Variants in EPB41 observed in about 807,000 individuals in gnomAD.
EPB41 encodes the protein protein 4.1.
In EPB41, 65 loss-of-function variants were observed where a neutral mutation model predicts 108.0. The ratio of observed to expected loss-of-function variants is 0.60; its 90% CI spans 0.49 to 0.74. EPB41 has a LOEUF of 0.74. EPB41 is among the 30% of genes least tolerant of loss of function. EPB41 has a pLI of 0.00. For missense variants in EPB41, 875 were observed against 1,037.0 expected (o/e 0.84, Z 2.15); for synonymous variants, 336 against 358.9 (o/e 0.94, Z 0.72).
chr1:29,088,735 TC>T (rs1660150422), intron 16 of EPB41, among the ~76,000 whole-genome samples: 1 of 152,166 alleles, frequency 6.6e-6, no homozygotes, highest in Admixed American at 6.5e-5. Flanking sequence ...CAGAACAGAC[TC>T]TGTTAAGAGG....
intron 1 of EPB41, among the ~76,000 whole-genome samples, chr1:28,902,753 G>C (rs2091431885): frequency 6.6e-6 from 1 of 152,110 alleles, no homozygotes; most frequent in South Asian, 2.1e-4. Flanking sequence ...ATTATAAGTG[G>C]AGGAAATTAT....
At chr1:29,027,500 T>C (rs1325557042) in intron 7 of EPB41, among the ~76,000 whole-genome samples, 2 of 151,724 alleles carry the variant, frequency 1.3e-5, no homozygotes, top group East Asian at 3.9e-4. Context: ...CCCGGCTAAT[T>C]TTGTACTTTT....
chr1:28,913,379 A>G (rs987841021), upstream of EPB41, among the ~76,000 whole-genome samples: 2 of 152,198 alleles, frequency 1.3e-5, no homozygotes, highest in Non-Finnish European at 2.9e-5. Context: ...CAGAGGTTGC[A>G]GTGAGCCGAG....
chr1:29,014,433 T>C (rs555285366), intron 5 of EPB41, among the ~76,000 whole-genome samples: 1 of 152,276 alleles, frequency 6.6e-6, no homozygotes, highest in South Asian at 2.1e-4. Context: ...AAGATACATA[T>C]GAGTATAGTA....
intron 4 of EPB41, among the ~76,000 whole-genome samples, chr1:29,002,958 G>C (rs532347262): frequency 2.6e-5 from 4 of 152,300 alleles, no homozygotes; most frequent in African/African-American, 9.6e-5. Flanking sequence ...AGGAAAAACT[G>C]GTCTGTTTAG....
intron 1 of EPB41, among the ~76,000 whole-genome samples, chr1:28,973,304 G>A (rs1199362052): frequency 6.6e-6 from 1 of 151,998 alleles, no homozygotes. Flanking sequence ...CCCTTCTCTG[G>A]TGTCCTTGGG....
rs115779582 is a variant in EPB41 at position 28,989,332 on chromosome 1, T to C, written c.468+1427T>C. 1,740 of 922,318 alleles carry C rather than the reference T, an allele frequency of 1.9e-3. 23 individuals are homozygous for C. The African/African-American group carries it at 0.024, about 13-fold the overall frequency. 57.1% of individuals were successfully genotyped at this position (922,318 alleles called of 1,614,324 possible). On this transcript the variant is annotated intron_variant, in intron 2 of 20. Transcript: ENST00000343067. The stretch of plus-strand genomic sequence containing the variant: ...ATTAGTACTGTAACTCAGACTATTT[T>C]CTGAGAATGTCATTTATTTTCAGCC...
At chr1:29,030,359 C>G (rs760797793) in intron 7 of EPB41, 41 bp from the exon 8 acceptor site, 1 of 1,476,052 alleles carries the variant, frequency 6.8e-7, no homozygotes, top group Non-Finnish European at 9.5e-7. Flanking sequence ...AATGATGACA[C>G]TATAACACTG....
intron 16 of EPB41, among the ~76,000 whole-genome samples, chr1:29,075,550 T>C (rs781695024): frequency 2.0e-5 from 3 of 152,148 alleles, no homozygotes; most frequent in Non-Finnish European, 2.9e-5. Context: ...GGGTAAATGA[T>C]AGAATAACTC....
chr1:29,018,962 C>T lies in EPB41; in HGVS notation c.1124+520C>T, dbSNP rs1468256714. On this transcript the variant is annotated intron_variant, in intron 7 of 20. Coordinates refer to ENST00000343067, the MANE Select transcript of EPB41 (RefSeq NM_001376013.1). The surrounding 1 kb of genome is among the most constrained non-coding windows in gnomAD (Gnocchi z 4.4). ...CTGGGAGTTATCAAGTGATCAAGAA[C>T]AAGAGTTTACAGTCAGTCTGAGCTG... 1.3e-5 allele frequency among the ~76,000 whole-genome samples: 2 copies of T among 152,134 alleles called. No homozygotes were observed. Among genetic ancestry groups the T allele is most frequent in the South Asian group, 2.1e-4 (1 of 4,830 alleles).
At chr1:28,897,123 CA>C (rs2090752616) in intron 1 of EPB41, among the ~76,000 whole-genome samples, 2 of 152,192 alleles carry the variant, frequency 1.3e-5, no homozygotes, top group African/African-American at 4.8e-5. Context: ...ACTCCTATCT[CA>C]GGGGTCCCTT....
Position 29,060,552 on chromosome 1 carries a change from T to G in EPB41, c.2007+68T>G, listed in dbSNP as rs994635759. 17 of 1,389,174 alleles carry G rather than the reference T, an allele frequency of 1.2e-5. No individual in the cohort carries two copies. The Admixed American group carries it at 2.2e-4, about 18-fold the overall frequency. The allele number at this position is 1,389,174 out of a possible 1,614,324, so 86.1% of individuals were successfully genotyped here. On this transcript the variant is annotated intron_variant, in intron 15 of 20. Transcript: ENST00000343067. The stretch of plus-strand genomic sequence containing the variant: ...CCTTCTGCATTCTTTGCTGATCCCC[T>G]TTTCTTCATTCTGTGCTGCATTTGG...
chr1:28,908,440 AT>A (rs1041889824), intron 1 of EPB41, among the ~76,000 whole-genome samples: 1 of 144,808 alleles, frequency 6.9e-6, no homozygotes, highest in African/African-American at 2.5e-5. Flanking sequence ...TATTATTATT[AT>A]TTTTTTTTGA....
upstream of EPB41, among the ~76,000 whole-genome samples, chr1:28,914,303 C>T (rs951626013): frequency 2.6e-5 from 4 of 152,354 alleles, no homozygotes; most frequent in South Asian, 8.3e-4. Context: ...AGACCGGGTT[C>T]GACTTGCGCG....
intron 4 of EPB41, among the ~76,000 whole-genome samples, chr1:29,007,909 G>T (rs1250205763): frequency 1.3e-5 from 2 of 152,126 alleles, no homozygotes; most frequent in African/African-American, 2.4e-5. Context: ...TGAGGAAGGT[G>T]CCCAAATGTA....
intron 1 of EPB41, among the ~76,000 whole-genome samples, chr1:28,930,455 A>G (rs1178720279): frequency 6.7e-6 from 1 of 150,192 alleles, no homozygotes; most frequent in Non-Finnish European, 1.5e-5. Context: ...GGCATGAACC[A>G]CTACATCTGG....
intron 7 of EPB41, among the ~76,000 whole-genome samples, chr1:29,022,192 G>A (rs1423806301): frequency 6.6e-6 from 1 of 151,666 alleles, no homozygotes; most frequent in African/African-American, 2.4e-5. Context: ...TTCATAACTT[G>A]GTGAACAAGT....
At chr1:29,019,106 G>A (rs925364526) in intron 7 of EPB41, among the ~76,000 whole-genome samples, 1 of 152,092 alleles carries the variant, frequency 6.6e-6, no homozygotes, top group Non-Finnish European at 1.5e-5. Flanking sequence ...AAACTAGGGG[G>A]ACTGCTAGGT....
At chr1:29,082,853 A>G (rs909375615) in intron 16 of EPB41, among the ~76,000 whole-genome samples, 4 of 152,328 alleles carry the variant, frequency 2.6e-5, no homozygotes, top group South Asian at 2.1e-4. Context: ...ACGTTCACCT[A>G]TTCTGGGGAT....
Sources: allele counts gnomAD v4.1 joint callset (sites outside exome capture counted in the v4.1 genomes callset), GRCh38; gene constraint gnomAD v4.1.1; non-coding constraint Gnocchi (gnomAD v3.1); transcripts MANE v1.5; gene names NCBI Gene and HGNC (gene_info 2026-07-23, HGNC 2026-07-21).